The following SUPT4H1 variants were observed in gnomAD, a reference collection of about 807,000 sequenced individuals.
SUPT4H1 encodes the protein transcription elongation factor SPT4.
SUPT4H1 carries 12 observed loss-of-function variants against 19.4 expected under a neutral mutation model. The ratio of observed to expected loss-of-function variants is 0.62; its 90% confidence interval spans 0.40 to 1.00. The LOEUF is 1.00. Ranked by LOEUF, SUPT4H1 falls within the 50% of genes least tolerant of loss-of-function variation. The pLI, the probability that SUPT4H1 is intolerant of heterozygous loss-of-function variation, is 0.00. For missense variants in SUPT4H1, 115 were observed against 149.2 expected, an observed-to-expected ratio of 0.77 and a Z score of 1.19; for synonymous variants, 58 against 56.3, an observed-to-expected ratio of 1.03 and a Z score of -0.14.
At position 58,352,145 on chromosome 17, in the gene SUPT4H1, T is replaced by A; in HGVS notation, c.-10A>T. Reference sequence around the variant, plus strand: ...CCGTCTCCAGGGCCATCTTCGCCGATGGGAAGAACAACAGGGAGATAGACG... The same window carrying A: ...CCGTCTCCAGGGCCATCTTCGCCGAAGGGAAGAACAACAGGGAGATAGACG... On this transcript the variant is annotated 5_prime_UTR_variant, in exon 1 of 5. Coordinates refer to ENST00000225504, the MANE Select transcript of SUPT4H1 (RefSeq NM_003168.3). The A allele has an allele frequency of 6.2e-7, 1 of 1,614,034 alleles. No homozygotes were observed. Among genetic ancestry groups the A allele is most frequent in the Non-Finnish European group, 8.5e-7 (1 of 1,179,952 alleles).
At chr17:58,351,947 C>T in intron 1 of SUPT4H1, 120 bp downstream of exon 1, 1 of 1,061,550 alleles carries the variant, frequency 9.4e-7, no homozygotes, top group Non-Finnish European at 1.4e-6. Flanking sequence ...TTCTCACTCC[C>T]CCTGCCACCT....
At position 58,351,447 on chromosome 17, in the gene SUPT4H1, C is replaced by A; in HGVS notation, c.131G>T (p.Gly44Val). The stretch of plus-strand genomic sequence containing the variant: ...GCAGTCATATACCATCTCTCGGTTA[C>A]CCTTCATTTGTAGATATGCATCACA... ...DNCDAYLQMKGNREMVYDCTS... is the reference protein window; with the variant it reads ...DNCDAYLQMKVNREMVYDCTS... Residue 44 changes from glycine to valine, a missense_variant, in exon 2 of 5, where the codon GGT (glycine) becomes GTT (valine). Physicochemically the swap from Gly to Val is moderately radical, Grantham distance 109. Transcript: ENST00000225504. 6.2e-7 allele frequency: 1 copy of A among 1,613,962 alleles called. No individual in the cohort carries two copies. Among genetic ancestry groups the A allele is most frequent in the Middle Eastern group, 1.7e-4 (1 of 6,054 alleles).
rs1042880043 is a variant in SUPT4H1, at chr17:58,349,660, G to A, written c.176+1742C>T. Among the ~76,000 whole-genome samples the A allele has an allele frequency of 3.9e-5, 6 of 152,162 alleles. No individual in the cohort carries two copies. The South Asian group carries it at 1.2e-3, about 32-fold the overall frequency. The stretch of plus-strand genomic sequence containing the variant: ...CCAAGATATCATTGATGAATGAATG[G>A]GCAGCAGAACATGCTATACACATAC... On this transcript the variant is annotated intron_variant, in intron 2 of 4. Transcript: ENST00000225504.
chr17:58,348,690 T>C (rs374187036), intron 2 of SUPT4H1, among the ~76,000 whole-genome samples: 98 of 152,306 alleles, frequency 6.4e-4, no homozygotes, highest in African/African-American at 2.2e-3. Flanking sequence ...TTTGCTCTAG[T>C]CACTCCCTTT....
intron 2 of SUPT4H1, 91 bp downstream of exon 2, chr17:58,351,311 C>G: frequency 6.2e-6 from 5 of 804,246 alleles, no homozygotes; most frequent in Non-Finnish European, 7.8e-6. Context: ...AATGGCTGGG[C>G]CCAACTAGGA....
intron 4 of SUPT4H1, 61 bp from the exon 5 acceptor site, chr17:58,346,374 C>G: frequency 7.1e-7 from 1 of 1,408,348 alleles, no homozygotes; most frequent in Non-Finnish European, 1.0e-6. Flanking sequence ...ATAGGCCACT[C>G]AGCTGCCACC....
intron 4 of SUPT4H1, 174 bp from the exon 5 acceptor site, chr17:58,346,487 G>A (rs915352975): frequency 9.3e-5 from 55 of 592,556 alleles, no homozygotes; most frequent in Non-Finnish European, 1.6e-4. Flanking sequence ...CACTTTGGGA[G>A]GTCAAGGTGG....
intron 2 of SUPT4H1, among the ~76,000 whole-genome samples, chr17:58,348,358 C>T (rs531953143): frequency 3.3e-5 from 5 of 152,242 alleles, no homozygotes; most frequent in African/African-American, 9.6e-5. Context: ...AATATGCCTC[C>T]CCTCTTCTCT....
intron 2 of SUPT4H1, among the ~76,000 whole-genome samples, chr17:58,348,677 G>C (rs1598112361): frequency 6.6e-6 from 1 of 152,066 alleles, no homozygotes; most frequent in Non-Finnish European, 1.5e-5. Flanking sequence ...CCCATCCTAA[G>C]CCTTTGCTCT....
chr17:58,345,339 T>C lies in SUPT4H1; in HGVS notation c.*907A>G, dbSNP rs2143282741. 1 of 152,150 alleles carries C rather than the reference T, an allele frequency of 6.6e-6. No individual in the cohort carries two copies. The highest frequency in any genetic ancestry group is 2.4e-5 in the African/African-American group (1 of 41,498). 9.4% of individuals were successfully genotyped at this position (152,150 alleles called of 1,614,324 possible). Reference sequence around the variant, plus strand: ...AATCAAAATGGGGATACGAACAGGATTTCTGTGGAAATTTAAATGAGAATT... The same window carrying C: ...AATCAAAATGGGGATACGAACAGGACTTCTGTGGAAATTTAAATGAGAATT... On this transcript the variant is annotated 3_prime_UTR_variant, in exon 5 of 5. Transcript: ENST00000225504.
At chr17:58,349,357 G>A (rs1972403451) in intron 2 of SUPT4H1, among the ~76,000 whole-genome samples, 1 of 152,262 alleles carries the variant, frequency 6.6e-6, no homozygotes, top group Admixed American at 6.5e-5. Flanking sequence ...TCATGATGCT[G>A]CGCAGCAGCC....
At chr17:58,347,385 C>A in intron 3 of SUPT4H1, 144 bp from the exon 4 acceptor site, 2 of 1,329,806 alleles carry the variant, frequency 1.5e-6, no homozygotes, top group Non-Finnish European at 1.1e-6. Context: ...TGACAAGGCA[C>A]AGGACACTGC....
chr17:58,351,300 G>C, intron 2 of SUPT4H1, 102 bp downstream of exon 2: 14 of 445,968 alleles, frequency 3.1e-5, no homozygotes, highest in Non-Finnish European at 4.7e-5. Context: ...CCCCAAAAAC[G>C]AATGGCTGGG....
rs753351633 is a variant in SUPT4H1, at chr17:58,352,143, G to A, written c.-8C>T. The A allele has an allele frequency of 1.2e-6, 2 of 1,614,044 alleles. No homozygotes were observed. Among genetic ancestry groups the A allele is most frequent in the South Asian group, 2.2e-5 (2 of 91,076 alleles). On this transcript the variant is annotated 5_prime_UTR_variant, in exon 1 of 5. Coordinates refer to ENST00000225504, the MANE Select transcript of SUPT4H1 (RefSeq NM_003168.3). ...CACCGTCTCCAGGGCCATCTTCGCCGATGGGAAGAACAACAGGGAGATAGA... is the reference window on the plus strand; with the variant it reads ...CACCGTCTCCAGGGCCATCTTCGCCAATGGGAAGAACAACAGGGAGATAGA...
At chr17:58,351,690 T>G in intron 1 of SUPT4H1, 182 bp from the exon 2 acceptor site, 1 of 580,794 alleles carries the variant, frequency 1.7e-6, no homozygotes, top group Non-Finnish European at 3.0e-6. Flanking sequence ...CTCCCACTCC[T>G]TCCTCTCTCG....
At chr17:58,347,490 C>A in intron 3 of SUPT4H1, 39 bp downstream of exon 3, 1 of 1,612,304 alleles carries the variant, frequency 6.2e-7, no homozygotes, top group Non-Finnish European at 8.5e-7. Flanking sequence ...ACAGTAACAA[C>A]ACTACAACTA....
At chr17:58,351,274 ACCCACAC>A in intron 2 of SUPT4H1, 121 bp downstream of exon 2, 1 of 543,318 alleles carries the variant, frequency 1.8e-6, no homozygotes, top group Non-Finnish European at 3.2e-6. Flanking sequence ...AAAAAAAAAA[ACCCACAC>A]AAAATAACCC....
In SUPT4H1 at chr17:58,352,163, G is replaced by T. The variant is rs1278040945; in HGVS notation, c.-28C>A. The T allele has an allele frequency of 5.0e-6, 8 of 1,611,700 alleles. No individual in the cohort carries two copies. The Admixed American group carries it at 6.7e-5, about 13-fold the overall frequency. Reference sequence around the variant, plus strand: ...TCGCCGATGGGAAGAACAACAGGGAGATAGACGACCACAGCCTGTGCACCC... The same window carrying T: ...TCGCCGATGGGAAGAACAACAGGGATATAGACGACCACAGCCTGTGCACCC... On this transcript the variant is annotated 5_prime_UTR_variant, in exon 1 of 5. Coordinates refer to ENST00000225504, the MANE Select transcript of SUPT4H1 (RefSeq NM_003168.3).
chr17:58,347,088 G>A, intron 4 of SUPT4H1, 100 bp downstream of exon 4: 2 of 1,225,148 alleles, frequency 1.6e-6, no homozygotes, highest in Non-Finnish European at 1.2e-6. Flanking sequence ...TCTGTAAAAT[G>A]CTGAACCTCA....
Sources: gnomAD v4.1 joint callset for allele counts (sites outside exome capture counted in the v4.1 genomes callset) on GRCh38, gnomAD v4.1.1 for gene constraint, MANE v1.5 for transcripts, NCBI Gene and HGNC (gene_info 2026-07-23, HGNC 2026-07-21) for gene names.